IPMK: variants seen among roughly 807,000 people sequenced by gnomAD.
IPMK encodes inositol polyphosphate multikinase, also known as inositol 1,3,4,6-tetrakisphosphate 5-kinase.
In IPMK, 17 loss-of-function variants were observed where a neutral mutation model predicts 45.8. The observed-to-expected ratio is 0.37, with a 90% CI of 0.25 to 0.56. The LOEUF (loss-of-function observed/expected upper bound fraction) is 0.56, where lower values mean the gene tolerates loss of function less well. Ranked by LOEUF, IPMK falls within the 20% of genes least tolerant of loss-of-function variation. The pLI is 0.79. For missense variants in IPMK, 399 were observed against 498.0 expected (o/e 0.80, Z 1.89); for synonymous variants, 180 against 184.3 (o/e 0.98, Z 0.19).
chr10:58,250,869 G>T (rs887471010), intron 1 of IPMK, among the ~76,000 whole-genome samples: 7 of 152,110 alleles, frequency 4.6e-5, no homozygotes, highest in Non-Finnish European at 8.8e-5. Flanking sequence ...AGTTTGGTGA[G>T]AATTTTTATC....
chr10:58,233,462 A>G (rs1838558306), intron 2 of IPMK, among the ~76,000 whole-genome samples: 1 of 152,196 alleles, frequency 6.6e-6, no homozygotes, highest in African/African-American at 2.4e-5. Flanking sequence ...CACATCAAAA[A>G]GCTTATCCAC....
intron 1 of IPMK, among the ~76,000 whole-genome samples, chr10:58,238,320 G>GTATAGA (rs1838645389): frequency 6.6e-6 from 1 of 152,192 alleles, no homozygotes; most frequent in South Asian, 2.1e-4. Flanking sequence ...GTATACAACT[G>GTATAGA]TATAGATAGT....
At chr10:58,247,534 T>C (rs1838819945) in intron 1 of IPMK, among the ~76,000 whole-genome samples, 1 of 151,876 alleles carries the variant, frequency 6.6e-6, no homozygotes, top group Admixed American at 6.6e-5. Flanking sequence ...AAATCATCAT[T>C]CTCAGTAAAC....
intron 4 of IPMK, among the ~76,000 whole-genome samples, chr10:58,214,268 G>T (rs989201668): frequency 1.3e-5 from 2 of 152,166 alleles, no homozygotes; most frequent in African/African-American, 4.8e-5. Flanking sequence ...TCAATGTGAC[G>T]GGAAAGAACA....
chr10:58,192,941 T>C lies in IPMK; in HGVS notation c.*3135A>G, dbSNP rs894741469. 1 of 151,950 alleles carries C rather than the reference T, an allele frequency of 6.6e-6. No individual in the cohort carries two copies. Among genetic ancestry groups the C allele is most frequent in the Non-Finnish European group, 1.5e-5 (1 of 67,874 alleles). 9.4% of individuals were successfully genotyped at this position (151,950 alleles called of 1,614,324 possible). A position where few individuals can be genotyped will look rare whatever the true frequency, so the allele number is the denominator to read the frequency against. ...GAAGGTAAGCATTATAAACAATTTT[T>C]AAAGCAAAACAAGTTTTAAAGTATA... On this transcript the variant is annotated 3_prime_UTR_variant, in exon 6 of 6. Coordinates refer to ENST00000373935, the MANE Select transcript of IPMK (RefSeq NM_152230.5).
intron 2 of IPMK, among the ~76,000 whole-genome samples, chr10:58,228,402 A>T (rs2132159815): frequency 6.6e-6 from 1 of 152,376 alleles, no homozygotes; most frequent in African/African-American, 2.4e-5. Flanking sequence ...AACTACTCAT[A>T]GTTTAATTCT....
At position 58,267,563 on chromosome 10, in the gene IPMK, G is replaced by T. The variant is rs748319518; in HGVS notation, c.49C>A (p.Pro17Thr). 30 of 1,609,800 alleles carry T rather than the reference G, an allele frequency of 1.9e-5. No individual in the cohort carries two copies. The highest frequency in any genetic ancestry group is 1.7e-4 in the Middle Eastern group (1 of 5,718). The change falls in exon 1 of 6, where the codon CCA becomes ACA. Residue 17 changes from proline to threonine, a missense_variant. This residue lies in a region of IPMK where 111 missense variants were observed against 99.9 expected (regional missense o/e 1.11). Coordinates refer to ENST00000373935, the MANE Select transcript of IPMK (RefSeq NM_152230.5). ...SPLRVEAPGP[P>T]EMRTSPAIES... is the part of the protein sequence containing the mutation. ...ATCGCCGGTGAGGTCCGCATTTCTG[G>T]GGGGCCCGGCGCCTCGACCCGGAGG...
intron 2 of IPMK, among the ~76,000 whole-genome samples, chr10:58,227,868 T>G (rs544455562): frequency 1.3e-5 from 2 of 152,290 alleles, no homozygotes; most frequent in East Asian, 3.9e-4. Flanking sequence ...TGATCTTTCC[T>G]AAATATTCTC....
At chr10:58,234,344 C>T (rs1180450723) in intron 2 of IPMK, among the ~76,000 whole-genome samples, 2 of 152,046 alleles carry the variant, frequency 1.3e-5, no homozygotes, top group Non-Finnish European at 2.9e-5. Context: ...CAAAAAAGAG[C>T]CCCCATTGCT....
At chr10:58,249,960 G>A (rs917611683) in intron 1 of IPMK, among the ~76,000 whole-genome samples, 7 of 152,158 alleles carry the variant, frequency 4.6e-5, no homozygotes, top group African/African-American at 1.4e-4. Flanking sequence ...CCCAATGTAT[G>A]TGGCTTAGCA....
chr10:58,227,286 T>C (rs1838432876), intron 2 of IPMK, 147 bp from the exon 3 acceptor site: 5 of 588,712 alleles, frequency 8.5e-6, no homozygotes, highest in Non-Finnish European at 5.9e-6. Context: ...AAAATATTAC[T>C]GTGTGTCTCC....
chr10:58,216,691 ATT>A (rs1838249130), intron 3 of IPMK, among the ~76,000 whole-genome samples: 1 of 152,174 alleles, frequency 6.6e-6, no homozygotes, highest in African/African-American at 2.4e-5. Flanking sequence ...TATTTTAATA[ATT>A]TTTAAAAATT....
intron 2 of IPMK, among the ~76,000 whole-genome samples, 154 bp from the exon 3 acceptor site, chr10:58,227,293 C>T (rs1838433047): frequency 7.2e-6 from 1 of 139,104 alleles, no homozygotes; most frequent in South Asian, 2.2e-4. Flanking sequence ...TACTGTGTGT[C>T]TCCAATGAGT....
intron 1 of IPMK, among the ~76,000 whole-genome samples, chr10:58,247,120 A>C (rs1262430861): frequency 6.7e-6 from 1 of 149,140 alleles, no homozygotes; most frequent in Admixed American, 6.6e-5. Context: ...ATTTCACACC[A>C]GTTAGAATGG....
Position 58,196,598 on chromosome 10 carries a change from C to A in IPMK, c.729G>T (p.Gln243His). The A allele has an allele frequency of 6.2e-7, 1 of 1,614,096 alleles. No homozygotes were observed. The highest frequency in any genetic ancestry group is 8.5e-7 in the Non-Finnish European group (1 of 1,180,006). Residue 243 changes from glutamine to histidine, a missense_variant, in exon 6 of 6, where the codon CAG becomes CAT. By Grantham distance (24) the Gln-to-His change is conservative. This residue lies in a region of IPMK where 288 missense variants were observed against 398.0 expected (regional missense o/e 0.72). Transcript: ENST00000373935. Reference protein sequence around the residue: ...IEKILQWFENQKQLNFYASSL... With the variant: ...IEKILQWFENHKQLNFYASSL... ...AACTTGCGTAAAAATTAAGCTGCTT[C>A]TGGTTTTCAAACCACTGCAGAATTT...
At chr10:58,253,791 T>TACAA (rs1400977466) in intron 1 of IPMK, among the ~76,000 whole-genome samples, 2 of 150,340 alleles carry the variant, frequency 1.3e-5, no homozygotes, top group African/African-American at 4.9e-5. Context: ...CTTTACTGGG[T>TACAA]ACAATAGTCT....
rs1314664826 is a variant in IPMK at position 58,267,828 on chromosome 10, C to T, written c.-217G>A. The T allele has an allele frequency of 2.0e-6, 1 of 493,894 alleles. No homozygotes were observed. The highest frequency in any genetic ancestry group is 2.1e-5 in the African/African-American group (1 of 48,542). 30.6% of individuals were successfully genotyped at this position (493,894 alleles called of 1,614,324 possible). On this transcript the variant is annotated 5_prime_UTR_variant, in exon 1 of 6. Coordinates refer to ENST00000373935, the MANE Select transcript of IPMK (RefSeq NM_152230.5). Reference sequence around the variant, plus strand: ...TCTCGGCGGAACGCGGCTCCCGGCTCCTGTTCCTCTGCCGCCGCAGCCGCC... The same window carrying T: ...TCTCGGCGGAACGCGGCTCCCGGCTTCTGTTCCTCTGCCGCCGCAGCCGCC...
rs1461048558 is a variant in IPMK at position 58,193,491 on chromosome 10, TTTTAA to T, written c.*2580_*2584del. On this transcript the variant is annotated 3_prime_UTR_variant, in exon 6 of 6. Transcript: ENST00000373935. ...TAAAATATTTAGCATTTATCATTGA[TTTTAA>T]TTTATTTGAATCTATGCAATGTCTA... 9 of 151,846 alleles carry T rather than the reference TTTTAA, an allele frequency of 5.9e-5. No homozygotes were observed. The East Asian group carries it at 1.2e-3, about 19-fold the overall frequency. 9.4% of individuals were successfully genotyped at this position (151,846 alleles called of 1,614,324 possible).
At chr10:58,200,159 C>T (rs1314493164) in intron 4 of IPMK, among the ~76,000 whole-genome samples, 1 of 152,080 alleles carries the variant, frequency 6.6e-6, no homozygotes, top group East Asian at 1.9e-4. Flanking sequence ...CTCTCTGTTG[C>T]CCAGGCTGGA....
Sources: gnomAD v4.1 joint callset for allele counts (sites outside exome capture counted in the v4.1 genomes callset) on GRCh38, gnomAD v4.1.1 for gene constraint, gnomAD v4.1.1 regional missense constraint, MANE v1.5 for transcripts, NCBI Gene and HGNC (gene_info 2026-07-23, HGNC 2026-07-21) for gene names.